Variants in CYP4F3 observed in about 807,000 individuals in gnomAD.
CYP4F3 encodes cytochrome P450 family 4 subfamily F member 3, also known as cytochrome P450 4F3.
Under a neutral mutation model 54.8 loss-of-function variants are expected in CYP4F3, and 50 were observed. The observed-to-expected ratio is 0.91, with a 90% CI of 0.73 to 1.16. CYP4F3 has a LOEUF of 1.16. CYP4F3 is among the 50% of genes most tolerant of loss of function. CYP4F3 has a pLI of 0.00. For synonymous variants in CYP4F3, 244 were observed against 262.6 expected, an observed-to-expected ratio of 0.93 and a Z score of 0.69; for missense variants, 715 against 676.2, an observed-to-expected ratio of 1.06 and a Z score of -0.64.
intron 5 of CYP4F3, 106 bp downstream of exon 5, chr19:15,647,430 T>C: frequency 6.5e-7 from 1 of 1,533,570 alleles, no homozygotes; most frequent in Admixed American, 2.0e-5. Flanking sequence ...TGGGCCATTG[T>C]CTTCCTCTCT....
intron 2 of CYP4F3, chr19:15,643,920 A>T: frequency 6.3e-7 from 1 of 1,589,154 alleles, no homozygotes; most frequent in Non-Finnish European, 8.6e-7. Flanking sequence ...ACCCCCACGG[A>T]GCAGGGCATG....
Position 15,658,398 on chromosome 19 carries a change from G to A in CYP4F3, c.1249+1G>A, listed in dbSNP as rs1247422863. ...CCAGACGGCCGGGTCATCCCCAAAG[G>A]TGCCACAGCCTCAGGGGGAGGAGCC... On this transcript the variant is annotated splice_donor_variant, in intron 10 of 12. Coordinates refer to ENST00000221307, the MANE Select transcript of CYP4F3 (RefSeq NM_000896.3). LOFTEE classifies it high-confidence loss of function. 6.2e-7 allele frequency: 1 copy of A among 1,613,880 alleles called. No homozygotes were observed. Among genetic ancestry groups the A allele is most frequent in the Non-Finnish European group, 8.5e-7 (1 of 1,179,846 alleles).
intron 7 of CYP4F3, among the ~76,000 whole-genome samples, chr19:15,651,811 C>G (rs1972864722): frequency 6.6e-6 from 1 of 152,048 alleles, no homozygotes; most frequent in South Asian, 2.1e-4. Flanking sequence ...GTTTCTGTGT[C>G]TATGTCTGTG....
intron 2 of CYP4F3, among the ~76,000 whole-genome samples, chr19:15,644,522 G>A (rs1001335759): frequency 1.3e-5 from 2 of 152,308 alleles, no homozygotes; most frequent in African/African-American, 4.8e-5. Flanking sequence ...TGATGCAATT[G>A]GGCATCGTTA....
At chr19:15,657,230 A>G (rs894337993) in intron 9 of CYP4F3, among the ~76,000 whole-genome samples, 1 of 152,248 alleles carries the variant, frequency 6.6e-6, no homozygotes, top group Admixed American at 6.5e-5. Context: ...CATTCCTTAC[A>G]TGCATAGGCA....
At position 15,658,790 on chromosome 19, in the gene CYP4F3, C is replaced by T. The variant is rs745507534; in HGVS notation, c.1378C>T (p.Pro460Ser). The T allele has an allele frequency of 1.3e-5, 21 of 1,614,010 alleles. No homozygotes were observed. The highest frequency in any genetic ancestry group is 1.6e-4 in the Middle Eastern group (1 of 6,082). ...GGAGAGGTCACCTCTGGCTTTTATT[C>T]CCTTCTCAGCAGGGCCCAGGTAAGA... ...IKERSPLAFI[P>S]FSAGPRNCIG... Residue 460 changes from proline to serine, a missense_variant, in exon 12 of 13, where the codon CCC becomes TCC. Physicochemically the swap from Pro to Ser is moderately conservative, Grantham distance 74. Transcript: ENST00000221307.
chr19:15,648,887 A>T (rs1272391908), intron 5 of CYP4F3, among the ~76,000 whole-genome samples: 1 of 152,124 alleles, frequency 6.6e-6, no homozygotes, highest in Non-Finnish European at 1.5e-5. Context: ...GACAGGTGGG[A>T]TATAGGGGAG....
intron 9 of CYP4F3, among the ~76,000 whole-genome samples, chr19:15,656,670 A>G (rs1311431593): frequency 1.3e-5 from 2 of 151,834 alleles, no homozygotes; most frequent in African/African-American, 4.8e-5. Context: ...ATCATCTATT[A>G]TCTATCTCTC....
chr19:15,655,242 T>C (rs920628500), intron 9 of CYP4F3, among the ~76,000 whole-genome samples: 2 of 152,196 alleles, frequency 1.3e-5, no homozygotes, highest in African/African-American at 4.8e-5. Flanking sequence ...TCCTATTGAG[T>C]TGTTTGAGCT....
At chr19:15,644,101 G>T (rs767200189) in intron 2 of CYP4F3, 3 of 1,474,608 alleles carry the variant, frequency 2.0e-6, no homozygotes, top group Non-Finnish European at 1.8e-6. Flanking sequence ...TTTGAGGCCT[G>T]CAAGTCCCTC....
chr19:15,651,002 A>C (rs965318948), intron 7 of CYP4F3, among the ~76,000 whole-genome samples: 3 of 150,774 alleles, frequency 2.0e-5, no homozygotes, highest in African/African-American at 7.4e-5. Flanking sequence ...CAGCCTCCCG[A>C]GTAGCTAGGA....
rs1973137173 is a variant in CYP4F3 at position 15,659,569 on chromosome 19, T to A, written c.*184T>A. On this transcript the variant is annotated 3_prime_UTR_variant, in exon 13 of 13. Coordinates refer to ENST00000221307, the MANE Select transcript of CYP4F3 (RefSeq NM_000896.3). ...GCGTGAATGTTCATGGCAGCCCTAT[T>A]CACAGTAGCCAAACGATGAAAACAA... 2.0e-5 allele frequency: 23 copies of A among 1,176,546 alleles called. No homozygotes were observed. Among genetic ancestry groups the A allele is most frequent in the Non-Finnish European group, 2.4e-5 (21 of 862,036 alleles). The allele number at this position is 1,176,546 out of a possible 1,614,324, so 72.9% of individuals were successfully genotyped here.
At chr19:15,652,460 C>T in intron 7 of CYP4F3, 109 bp from the exon 8 acceptor site, 3 of 1,537,728 alleles carry the variant, frequency 2.0e-6, no homozygotes, top group Non-Finnish European at 8.9e-7. Flanking sequence ...TTGGGTTTCT[C>T]GAAAGAGGAT....
intron 9 of CYP4F3, among the ~76,000 whole-genome samples, chr19:15,658,007 G>T (rs1262507564): frequency 6.6e-6 from 1 of 151,972 alleles, no homozygotes; most frequent in Non-Finnish European, 1.5e-5. Flanking sequence ...GTTTAGGGTG[G>T]GTGGGGGCCC....
chr19:15,652,686 A>G, intron 8 of CYP4F3, 51 bp downstream of exon 8: 1 of 1,613,758 alleles, frequency 6.2e-7, no homozygotes, highest in Non-Finnish European at 8.5e-7. Context: ...TCTCCATTCC[A>G]GGAACAGGGT....
At chr19:15,656,434 A>G (rs1323563357) in intron 9 of CYP4F3, among the ~76,000 whole-genome samples, 3 of 151,856 alleles carry the variant, frequency 2.0e-5, no homozygotes, top group Admixed American at 2.0e-4. Context: ...ATCCTTTCTC[A>G]TTCTCCAAAG....
intron 5 of CYP4F3, among the ~76,000 whole-genome samples, chr19:15,648,226 G>A (rs1972688646): frequency 3.3e-5 from 5 of 152,034 alleles, no homozygotes; most frequent in Admixed American, 3.3e-4. Context: ...ACAAAGGATA[G>A]TTTTACTACT....
chr19:15,641,807 C>T (rs893513227), intron 2 of CYP4F3, among the ~76,000 whole-genome samples, 194 bp downstream of exon 2: 1 of 152,114 alleles, frequency 6.6e-6, no homozygotes, highest in Non-Finnish European at 1.5e-5. Flanking sequence ...CCCTGTTCTC[C>T]CACTCTTGGC....
At chr19:15,658,663 T>TC in intron 11 of CYP4F3, 64 bp from the exon 12 acceptor site, 1 of 1,610,018 alleles carries the variant, frequency 6.2e-7, no homozygotes, top group South Asian at 1.1e-5. Context: ...CACACACCAC[T>TC]GTCTCTCCAA....
Sources: allele counts gnomAD v4.1 joint callset (sites outside exome capture counted in the v4.1 genomes callset), GRCh38; gene constraint gnomAD v4.1.1; transcripts MANE v1.5; gene names NCBI Gene and HGNC (gene_info 2026-07-23, HGNC 2026-07-21).